Variants in TSHZ3 observed in about 807,000 individuals in gnomAD.
TSHZ3 encodes the protein teashirt homolog 3.
TSHZ3 carries 10 observed loss-of-function variants against 64.5 expected under a neutral mutation model. That is an observed-to-expected ratio of 0.16 (90% CI 0.10 to 0.26). The LOEUF (loss-of-function observed/expected upper bound fraction) is 0.26, where lower values mean the gene tolerates loss of function less well. Ranked by LOEUF, TSHZ3 falls within the 10% of genes least tolerant of loss-of-function variation. TSHZ3 has a pLI of 1.00. For synonymous variants in TSHZ3, 608 were observed against 593.1 expected, an observed-to-expected ratio of 1.03 and a Z score of -0.36; for missense variants, 1,242 against 1,421.7, an observed-to-expected ratio of 0.87 and a Z score of 2.03.
chr19:31,222,587 A>G (rs1599591096), intron 4 of TSHZ3, among the ~76,000 whole-genome samples: 1 of 152,194 alleles, frequency 6.6e-6, no homozygotes, highest in Non-Finnish European at 1.5e-5. Flanking sequence ...TCTCAGGAAT[A>G]TTTCACCCTT....
At chr19:31,348,835 C>G (rs2021602143) in intron 1 of TSHZ3, 2 of 272,538 alleles carry the variant, frequency 7.3e-6, no homozygotes, top group Non-Finnish European at 1.4e-5. Flanking sequence ...TCCCGGGGAA[C>G]TCAGGTGACC....
At chr19:31,314,829 A>C (rs1472898811) in intron 1 of TSHZ3, among the ~76,000 whole-genome samples, 1 of 152,102 alleles carries the variant, frequency 6.6e-6, no homozygotes, top group East Asian at 1.9e-4. Flanking sequence ...AAGGGGAAGG[A>C]ATTTGGGGGC....
At position 31,235,614 on chromosome 19, in the gene TSHZ3, TTCC is replaced by T. The variant is rs751154286; in HGVS notation, n.550+6652_550+6654del. On this transcript the variant is annotated intron_variant and non_coding_transcript_variant, in intron 3 of 6. Coordinates refer to the TSHZ3 transcript ENST00000651361. ...CTTTCTTTTTTCTTTCTTTCTTTCT[TTCC>T]TCTTTCTTTCTTTCCTCTTTCTTTC... Among the ~76,000 whole-genome samples, 438 of 144,498 alleles carry T rather than the reference TTCC, an allele frequency of 3.0e-3. 2 individuals are homozygous for T. The highest frequency in any genetic ancestry group is 9.9e-3 in the African/African-American group (364 of 36,678). 94.8% of individuals were successfully genotyped at this position (144,498 alleles called of 152,430 possible). A position where few individuals can be genotyped will look rare whatever the true frequency, so the allele number is the denominator to read the frequency against.
intron 4 of TSHZ3, among the ~76,000 whole-genome samples, chr19:31,215,160 T>G (rs1199048250): frequency 1.3e-5 from 2 of 152,192 alleles, no homozygotes. Context: ...CGCTATATCA[T>G]GTCAATACTA....
chr19:31,325,823 G>A (rs1486122010), intron 1 of TSHZ3, among the ~76,000 whole-genome samples: 5 of 152,132 alleles, frequency 3.3e-5, no homozygotes, highest in Non-Finnish European at 5.9e-5. Context: ...AGAGTCAAAC[G>A]TGGCCCTTAA....
chr19:31,305,170 A>G (rs1599637588), intron 1 of TSHZ3, among the ~76,000 whole-genome samples: 3 of 151,480 alleles, frequency 2.0e-5, no homozygotes, highest in Admixed American at 6.6e-5. Context: ...ATCTCCAGCC[A>G]CCCCCTCTCC....
intron 5 of TSHZ3, among the ~76,000 whole-genome samples, chr19:31,171,194 G>C (rs1197583484): frequency 6.6e-6 from 1 of 152,124 alleles, no homozygotes; most frequent in Non-Finnish European, 1.5e-5. Flanking sequence ...CTGGGTCTCT[G>C]AGCCCCAGGC....
At chr19:31,243,728 G>C (rs990091865) in intron 1 of TSHZ3, among the ~76,000 whole-genome samples, 1 of 152,144 alleles carries the variant, frequency 6.6e-6, no homozygotes, top group Admixed American at 6.5e-5. Context: ...GGGAGCAGCG[G>C]AGTGGTGTTC....
chr19:31,317,642 G>C (rs1196544420), intron 1 of TSHZ3, among the ~76,000 whole-genome samples: 1 of 152,220 alleles, frequency 6.6e-6, no homozygotes, highest in Non-Finnish European at 1.5e-5. Context: ...GAGAACAGCA[G>C]GGTCTGGAGA....
Position 31,279,424 on chromosome 19 carries a change from G to T in TSHZ3, c.369C>A (p.Asn123Lys). The change falls in exon 2 of 2, where the codon AAC (asparagine) becomes AAA (lysine). Residue 123 changes from asparagine to lysine, a missense_variant. By Grantham distance (94) the Asn-to-Lys change is moderately conservative (BLOSUM62 0). This residue lies in a region of TSHZ3 where 555 missense variants were observed against 704.0 expected (regional missense o/e 0.79). Transcript: ENST00000240587. This position sits in a 1 kb window ranked among gnomAD's most constrained non-coding sequence, Gnocchi z 6.4. ...ACCAGTAGGAGTTGGAGAGGAAGTTGTTGTACACGGCCTTCATCTGCTCCA... is the reference window on the plus strand; with the variant it reads ...ACCAGTAGGAGTTGGAGAGGAAGTTTTTGTACACGGCCTTCATCTGCTCCA... The part of the protein sequence containing the change: ...DSLEQMKAVY[N>K]NFLSNSYWSN... The T allele has an allele frequency of 6.2e-7, 1 of 1,614,236 alleles. No homozygotes were observed. The highest frequency in any genetic ancestry group is 1.1e-5 in the South Asian group (1 of 91,088).
intron 4 of TSHZ3, among the ~76,000 whole-genome samples, chr19:31,213,275 T>C (rs112557780): frequency 7.2e-6 from 1 of 138,018 alleles, no homozygotes; most frequent in South Asian, 2.3e-4. Context: ...GAGAATTGCT[T>C]GAACCTAGGA....
At chr19:31,348,867 A>C (rs1190600781) in intron 1 of TSHZ3, 2 of 324,528 alleles carry the variant, frequency 6.2e-6, no homozygotes, top group Non-Finnish European at 1.1e-5. Flanking sequence ...CCACAGAAAG[A>C]GCCAGGCCGG....
intron 5 of TSHZ3, among the ~76,000 whole-genome samples, chr19:31,200,886 C>T (rs939065020): frequency 2.0e-5 from 3 of 151,702 alleles, no homozygotes; most frequent in Non-Finnish European, 4.4e-5. Flanking sequence ...GAATCCAAAA[C>T]TACTCTGAAA....
chr19:31,167,969 C>T (rs1568335053), intron 5 of TSHZ3: 1 of 152,144 alleles, frequency 6.6e-6, no homozygotes, highest in Non-Finnish European at 1.5e-5. Flanking sequence ...ACGTTTGAGT[C>T]CACGGTGTGT....
intron 1 of TSHZ3, among the ~76,000 whole-genome samples, chr19:31,344,666 C>A (rs547938450): frequency 2.0e-5 from 3 of 152,330 alleles, no homozygotes; most frequent in African/African-American, 7.2e-5. Context: ...GAAAGCACCA[C>A]AAGAGGTCCA....
At chr19:31,229,195 A>G (rs1345499362) in intron 3 of TSHZ3, among the ~76,000 whole-genome samples, 1 of 152,216 alleles carries the variant, frequency 6.6e-6, no homozygotes, top group Non-Finnish European at 1.5e-5. Context: ...TTTCTTTGAA[A>G]CCTGACAAAA....
At chr19:31,158,425 C>G (rs1317068693) in intron 5 of TSHZ3, among the ~76,000 whole-genome samples, 1 of 152,054 alleles carries the variant, frequency 6.6e-6, no homozygotes, top group Admixed American at 6.5e-5. Context: ...GTTATCTCAC[C>G]ATTTTGTAGG....
chr19:31,256,716 G>A (rs897669217), intron 1 of TSHZ3, among the ~76,000 whole-genome samples: 2 of 152,208 alleles, frequency 1.3e-5, no homozygotes, highest in African/African-American at 2.4e-5. Flanking sequence ...GGCTCCTGAC[G>A]GAGGGGCTTT....
chr19:31,250,181 A>T (rs1454303221), intron 1 of TSHZ3, among the ~76,000 whole-genome samples: 2 of 152,232 alleles, frequency 1.3e-5, no homozygotes, highest in Admixed American at 6.5e-5. Flanking sequence ...ATCTTTAAGC[A>T]CATCTATGAG....
Sources: gnomAD v4.1 joint callset for allele counts (sites outside exome capture counted in the v4.1 genomes callset) on GRCh38, gnomAD v4.1.1 for gene constraint, gnomAD v4.1.1 regional missense constraint, Gnocchi (gnomAD v3.1) non-coding constraint, MANE v1.5 for transcripts, NCBI Gene and HGNC (gene_info 2026-07-23, HGNC 2026-07-21) for gene names.